Variants in MCPH1 observed in about 807,000 individuals in gnomAD.
MCPH1 encodes microcephalin 1.
A neutral mutation model predicts 84.5 loss-of-function variants in MCPH1; 104 were observed. The ratio of observed to expected loss-of-function variants is 1.23; its 90% confidence interval spans 1.05 to 1.45. The LOEUF is 1.45. MCPH1 is among the 40% of genes most tolerant of loss of function. The pLI is 0.00. For synonymous variants in MCPH1, 514 were observed against 366.8 expected (o/e 1.40, Z -4.58); for missense variants, 1,498 against 1,005.7 (o/e 1.49, Z -6.62).
rs753524230 is a variant in MCPH1, at chr8:6,444,524, G to C, written c.802G>C (p.Val268Leu). 1.2e-6 allele frequency: 2 copies of C among 1,614,140 alleles called. No individual in the cohort carries two copies. Among genetic ancestry groups the C allele is most frequent in the East Asian group, 2.2e-5 (1 of 44,878 alleles). Reference protein sequence around the residue: ...IKSDVCISSLVLKANNIHSSP... With the variant: ...IKSDVCISSLLLKANNIHSSP... The stretch of plus-strand genomic sequence containing the variant: ...AAGTGATGTGTGTATTTCTTCACTT[G>C]TATTGAAAGCAAATAATATTCATTC... The change falls in exon 8 of 14, where the codon GTA (valine) becomes CTA (leucine). Residue 268 changes from valine to leucine, a missense_variant. Val to Leu is a conservative substitution (Grantham distance 32). Transcript: ENST00000344683.
intron 7 of MCPH1, among the ~76,000 whole-genome samples, chr8:6,442,812 T>G (rs192393108): frequency 6.6e-6 from 1 of 152,306 alleles, no homozygotes; most frequent in South Asian, 2.1e-4. Flanking sequence ...TGAGATGTTA[T>G]GGAAAATTTA....
intron 12 of MCPH1, among the ~76,000 whole-genome samples, chr8:6,612,966 T>A (rs1391168655): frequency 6.6e-6 from 1 of 152,244 alleles, no homozygotes; most frequent in African/African-American, 2.4e-5. Flanking sequence ...TTCTTTGTTG[T>A]TGTGACGGTT....
chr8:6,578,218 G>A (rs916084631), intron 12 of MCPH1, among the ~76,000 whole-genome samples: 1 of 152,226 alleles, frequency 6.6e-6, no homozygotes. Flanking sequence ...AGGGAAATGG[G>A]TAGAAATTCT....
chr8:6,408,459 C>G (rs1437741007), intron 1 of MCPH1, among the ~76,000 whole-genome samples: 1 of 151,822 alleles, frequency 6.6e-6, no homozygotes, highest in East Asian at 1.9e-4. Flanking sequence ...TAGCCTCAAG[C>G]AATCCTCCCG....
At chr8:6,539,056 C>G (rs546547868) in intron 12 of MCPH1, among the ~76,000 whole-genome samples, 81 of 152,006 alleles carry the variant, frequency 5.3e-4, no homozygotes, top group African/African-American at 1.9e-3. Context: ...TGTGTTTATT[C>G]TGGAGATTTT....
chr8:6,512,837 C>T (rs1184510264), intron 12 of MCPH1, among the ~76,000 whole-genome samples: 2 of 152,198 alleles, frequency 1.3e-5, no homozygotes, highest in Non-Finnish European at 2.9e-5. Context: ...CCAGGGAATG[C>T]TGTGAATCTG....
At chr8:6,489,384 A>G (rs1171024684) in intron 11 of MCPH1, among the ~76,000 whole-genome samples, 1 of 152,066 alleles carries the variant, frequency 6.6e-6, no homozygotes, top group East Asian at 1.9e-4. Flanking sequence ...ACATGGCATC[A>G]GTCAGAAGGG....
intron 11 of MCPH1, among the ~76,000 whole-genome samples, chr8:6,484,875 G>A (rs1330188506): frequency 1.3e-5 from 2 of 152,232 alleles, no homozygotes; most frequent in African/African-American, 4.8e-5. Flanking sequence ...AGTAGCATCT[G>A]CCTCTGCAGA....
At chr8:6,477,704 C>G (rs933681159) in intron 10 of MCPH1, 73 bp downstream of exon 10, 168 of 1,247,450 alleles carry the variant, frequency 1.3e-4, no homozygotes, top group Non-Finnish European at 1.9e-4. Context: ...ATTCTGGGTG[C>G]CTTTAGGCAA....
chr8:6,609,904 C>T (rs894843518), intron 12 of MCPH1, among the ~76,000 whole-genome samples: 5 of 150,620 alleles, frequency 3.3e-5, no homozygotes, highest in Admixed American at 6.7e-5. Flanking sequence ...ACACCCTCCT[C>T]TGCCATCACC....
chr8:6,509,196 G>T (rs1814423549), intron 12 of MCPH1: 1 of 1,168,368 alleles, frequency 8.6e-7, no homozygotes, highest in Non-Finnish European at 1.2e-6. Flanking sequence ...GCATACTCTG[G>T]ACAAAATATT....
At chr8:6,484,344 G>C (rs1207518075) in intron 11 of MCPH1, among the ~76,000 whole-genome samples, 1 of 152,084 alleles carries the variant, frequency 6.6e-6, no homozygotes, top group Non-Finnish European at 1.5e-5. Flanking sequence ...AATATAGTGA[G>C]ATCCACTACA....
chr8:6,492,820 C>G lies in MCPH1; in HGVS notation c.2137-7032C>G, dbSNP rs1018495719. Among the ~76,000 whole-genome samples the G allele has an allele frequency of 2.0e-5, 3 of 151,070 alleles. No individual in the cohort carries two copies. The East Asian group carries it at 5.8e-4, about 29-fold the overall frequency. ...TTGAGTTAAGTAATTAATTGATTAACTGATAAGGATTATTGTTAAATTATT... is the reference window on the plus strand; with the variant it reads ...TTGAGTTAAGTAATTAATTGATTAAGTGATAAGGATTATTGTTAAATTATT... On this transcript the variant is annotated intron_variant, in intron 11 of 13. Coordinates refer to ENST00000344683, the MANE Select transcript of MCPH1 (RefSeq NM_024596.5).
intron 12 of MCPH1, among the ~76,000 whole-genome samples, chr8:6,566,812 C>T (rs1253232233): frequency 5.9e-5 from 7 of 118,000 alleles, no homozygotes; most frequent in East Asian, 2.6e-4. Flanking sequence ...GTGTGTGATC[C>T]GCAAGGCCAT....
chr8:6,611,883 G>A (rs77247113), intron 12 of MCPH1, among the ~76,000 whole-genome samples: 154 of 152,314 alleles, frequency 1.0e-3, no homozygotes, highest in Admixed American at 1.8e-3. Flanking sequence ...CTCCCAAAGT[G>A]CTGGGATTAC....
intron 8 of MCPH1, among the ~76,000 whole-genome samples, chr8:6,453,416 GTCTT>G (rs1243365284): frequency 1.3e-5 from 2 of 148,858 alleles, no homozygotes; most frequent in South Asian, 2.1e-4. Context: ...TTTAATATCA[GTCTT>G]TCTTAAGTTT....
At position 6,433,631 on chromosome 8, in the gene MCPH1, A is replaced by T. The variant is rs1332572761; in HGVS notation, c.321+2045A>T. Among the ~76,000 whole-genome samples the T allele has an allele frequency of 8.3e-5, 7 of 83,914 alleles. No homozygotes were observed. In the East Asian group the frequency reaches 1.4e-3, roughly 17 times the overall value. 55.1% of individuals were successfully genotyped at this position (83,914 alleles called of 152,430 possible). ...CTGGGCGACAGCAAGGCTCTGTCTC[A>T]AAAAAAAAAAAAAAAAAAAAAAAAC... On this transcript the variant is annotated intron_variant, in intron 4 of 13. Transcript: ENST00000344683.
At chr8:6,491,890 G>T (rs543653954) in intron 11 of MCPH1, among the ~76,000 whole-genome samples, 97 of 152,224 alleles carry the variant, frequency 6.4e-4, no homozygotes, top group Non-Finnish European at 1.1e-3. Context: ...TGGACATTTG[G>T]GTTGGTTCCA....
At chr8:6,441,746 C>G (rs1419779469) in intron 6 of MCPH1, among the ~76,000 whole-genome samples, 1 of 152,190 alleles carries the variant, frequency 6.6e-6, no homozygotes, top group Non-Finnish European at 1.5e-5. Context: ...TGTGTCCAGA[C>G]ATTACCAAAT....
Sources: gnomAD v4.1 joint callset for allele counts (sites outside exome capture counted in the v4.1 genomes callset) on GRCh38, gnomAD v4.1.1 for gene constraint, MANE v1.5 for transcripts, NCBI Gene and HGNC (gene_info 2026-07-23, HGNC 2026-07-21) for gene names.